The following CTNND2 variants were observed in gnomAD, a reference collection of about 807,000 sequenced individuals.
CTNND2 encodes the protein catenin delta 2.
CTNND2 carries 22 observed loss-of-function variants against 144.4 expected under a neutral mutation model. That is an observed-to-expected ratio of 0.15 (90% CI 0.11 to 0.22). The LOEUF (loss-of-function observed/expected upper bound fraction) is 0.22. Ranked by LOEUF, CTNND2 falls within the 10% of genes least tolerant of loss-of-function variation. The probability of loss-of-function intolerance (pLI) is 1.00; values close to 1 mark genes in which losing one functional copy is unlikely to be tolerated. For synonymous variants in CTNND2, 751 were observed against 695.6 expected, an observed-to-expected ratio of 1.08 and a Z score of -1.25; for missense variants, 1,353 against 1,618.8, an observed-to-expected ratio of 0.84 and a Z score of 2.82.
chr5:11,307,606 C>T lies in CTNND2; in HGVS notation c.1628+38766G>A, dbSNP rs529184663. 2.0e-5 allele frequency among the ~76,000 whole-genome samples: 3 copies of T among 152,184 alleles called. No homozygotes were observed. In the South Asian group the frequency reaches 6.2e-4, roughly 32 times the overall value. On this transcript the variant is annotated intron_variant, in intron 9 of 21. Coordinates refer to ENST00000304623, the MANE Select transcript of CTNND2 (RefSeq NM_001332.4). Reference sequence around the variant, plus strand: ...AGGGATCATCTTATGCTCATTTTAACTGGGGCTCATGAAACAATTTTCTAT... The same window carrying T: ...AGGGATCATCTTATGCTCATTTTAATTGGGGCTCATGAAACAATTTTCTAT...
chr5:11,007,109 C>A (rs1222461548), intron 18 of CTNND2, among the ~76,000 whole-genome samples: 1 of 152,092 alleles, frequency 6.6e-6, no homozygotes, highest in African/African-American at 2.4e-5. Context: ...TTTCCAGAAC[C>A]TAGAAGGGAG....
At chr5:11,658,992 A>C (rs1438003877) in intron 2 of CTNND2, among the ~76,000 whole-genome samples, 1 of 152,164 alleles carries the variant, frequency 6.6e-6, no homozygotes, top group Admixed American at 6.6e-5. Context: ...TTGATAGTTT[A>C]ATAAAAACTT....
chr5:11,688,239 C>T (rs973521453), intron 2 of CTNND2, among the ~76,000 whole-genome samples: 10 of 152,106 alleles, frequency 6.6e-5, no homozygotes, highest in South Asian at 2.1e-4. Flanking sequence ...CCCCAGAGGA[C>T]ATCTGAAACC....
At chr5:11,562,292 TA>T (rs905208697) in intron 3 of CTNND2, among the ~76,000 whole-genome samples, 1 of 151,978 alleles carries the variant, frequency 6.6e-6, no homozygotes, top group Non-Finnish European at 1.5e-5. Context: ...CCTCTTTTTT[TA>T]AAAAAAAGTT....
rs972555956 is a variant in CTNND2 at position 10,973,668 on chromosome 5, C to T, written c.3463G>A (p.Glu1155Lys). Reference sequence around the variant, plus strand: ...GAATTCTGAAATGGCTGGTAGGTCTCGTAATCTTTTCTGCTGGGCTCCTGT... The same window carrying T: ...GAATTCTGAAATGGCTGGTAGGTCTTGTAATCTTTTCTGCTGGGCTCCTGT... The part of the protein sequence containing the change: ...VPQEPSRKDY[E>K]TYQPFQNSTR... Residue 1155 changes from glutamate to lysine, a missense_variant, in exon 22 of 22, where the codon GAG becomes AAG. Physicochemically the swap from Glu to Lys is moderately conservative, Grantham distance 56. Around this residue, in one of 4 missense-constraint regions of CTNND2, gnomAD observed 459 missense variants for 674.3 expected, o/e 0.68. Coordinates refer to ENST00000304623, the MANE Select transcript of CTNND2 (RefSeq NM_001332.4). The surrounding 1 kb of genome is among the most constrained non-coding windows in gnomAD (Gnocchi z 5.6). The T allele has an allele frequency of 1.4e-5, 22 of 1,613,084 alleles. No individual in the cohort carries two copies. The highest frequency in any genetic ancestry group is 1.7e-4 in the Middle Eastern group (1 of 6,058).
chr5:11,819,660 T>C (rs1793207914), intron 1 of CTNND2, among the ~76,000 whole-genome samples: 1 of 152,148 alleles, frequency 6.6e-6, no homozygotes, highest in South Asian at 2.1e-4. Flanking sequence ...TGGGAACCAG[T>C]GCAGAGTCTA....
chr5:11,276,581 G>A (rs985888142), intron 9 of CTNND2, among the ~76,000 whole-genome samples: 6 of 152,162 alleles, frequency 3.9e-5, no homozygotes, highest in Non-Finnish European at 1.5e-5. Flanking sequence ...CTAGGGTATA[G>A]TGCATAGTGG....
At chr5:11,667,459 C>T (rs1783633343) in intron 2 of CTNND2, among the ~76,000 whole-genome samples, 1 of 152,182 alleles carries the variant, frequency 6.6e-6, no homozygotes, top group South Asian at 2.1e-4. Context: ...GATAACCATT[C>T]TAACTGGCGT....
chr5:11,596,594 C>T (rs1024755521), intron 2 of CTNND2, among the ~76,000 whole-genome samples: 4 of 152,152 alleles, frequency 2.6e-5, no homozygotes, highest in South Asian at 2.1e-4. Flanking sequence ...TACATCAAAG[C>T]GTAACTATAT....
intron 1 of CTNND2, among the ~76,000 whole-genome samples, chr5:11,773,360 CTTAA>C (rs1561784197): frequency 1.3e-5 from 2 of 152,128 alleles, no homozygotes; most frequent in African/African-American, 4.8e-5. Flanking sequence ...GCTGAAAACA[CTTAA>C]TTATTTAATA....
intron 16 of CTNND2, among the ~76,000 whole-genome samples, chr5:11,081,084 A>ACACACACACACACACACACT (rs1749506360): frequency 6.7e-6 from 1 of 150,196 alleles, no homozygotes; most frequent in South Asian, 2.2e-4. Flanking sequence ...ACACACACAC[A>ACACACACACACACACACACT]CACACACACA....
intron 3 of CTNND2, among the ~76,000 whole-genome samples, chr5:11,481,836 G>T (rs1055886764): frequency 6.6e-6 from 1 of 152,174 alleles, no homozygotes; most frequent in African/African-American, 2.4e-5. Flanking sequence ...GAGTTAGAAA[G>T]CCAGTGGCCC....
intron 9 of CTNND2, among the ~76,000 whole-genome samples, chr5:11,255,193 TAGA>T (rs1332592798): frequency 1.3e-5 from 2 of 152,170 alleles, no homozygotes; most frequent in Admixed American, 6.5e-5. Flanking sequence ...TTGTGGTAAA[TAGA>T]AGAAGGGAAA....
chr5:11,671,283 TGTG>T (rs1561678686), intron 2 of CTNND2, among the ~76,000 whole-genome samples: 2 of 152,114 alleles, frequency 1.3e-5, no homozygotes, highest in African/African-American at 4.8e-5. Flanking sequence ...GGAACATCTT[TGTG>T]GTGTTCTCTG....
At chr5:11,506,880 C>T (rs1771100764) in intron 3 of CTNND2, among the ~76,000 whole-genome samples, 1 of 152,198 alleles carries the variant, frequency 6.6e-6, no homozygotes, top group Non-Finnish European at 1.5e-5. Flanking sequence ...AGTATCTTCC[C>T]TTCTTCACTA....
intron 11 of CTNND2, among the ~76,000 whole-genome samples, chr5:11,177,905 C>A (rs1229761543): frequency 6.6e-6 from 1 of 152,066 alleles, no homozygotes; most frequent in Non-Finnish European, 1.5e-5. Flanking sequence ...AGAAAACATG[C>A]ATCAATTAAT....
chr5:10,997,302 A>AT (rs1006841903), intron 18 of CTNND2, among the ~76,000 whole-genome samples: 7 of 152,054 alleles, frequency 4.6e-5, no homozygotes, highest in Non-Finnish European at 4.4e-5. Context: ...GATTAAAAAC[A>AT]TTTTTTTTAG....
intron 3 of CTNND2, among the ~76,000 whole-genome samples, chr5:11,433,630 T>C (rs1457235126): frequency 6.6e-6 from 1 of 150,502 alleles, no homozygotes; most frequent in African/African-American, 2.4e-5. Flanking sequence ...AGCAAAAGAG[T>C]GAGAAAGGGG....
chr5:11,384,536 C>T lies in CTNND2; in HGVS notation c.1177+129G>A. 14 of 791,762 alleles carry T rather than the reference C, an allele frequency of 1.8e-5. No homozygotes were observed. In the South Asian group the frequency reaches 2.6e-4, roughly 15 times the overall value. 49.0% of individuals were successfully genotyped at this position (791,762 alleles called of 1,614,324 possible). A position where few individuals can be genotyped will look rare whatever the true frequency, so the allele number is the denominator to read the frequency against. On this transcript the variant is annotated intron_variant, in intron 7 of 21. Transcript: ENST00000304623. This position sits in a 1 kb window ranked among gnomAD's most constrained non-coding sequence, Gnocchi z 5.2. ...TGTTCCAGGAAAGCCCTGGCGTTCT[C>T]TGTCTCCTGCAACTACTACAACCTG...
Sources: allele counts gnomAD v4.1 joint callset (sites outside exome capture counted in the v4.1 genomes callset), GRCh38; gene constraint gnomAD v4.1.1; regional missense constraint gnomAD v4.1.1; non-coding constraint Gnocchi (gnomAD v3.1); transcripts MANE v1.5; gene names NCBI Gene and HGNC (gene_info 2026-07-23, HGNC 2026-07-21).